Variants in MUC5B observed in about 807,000 individuals in gnomAD.
The protein encoded by MUC5B is mucin-5B.
MUC5B carries 116 observed loss-of-function variants against 376.9 expected under a neutral mutation model. That is an observed-to-expected ratio of 0.31 (90% CI 0.26 to 0.36). The LOEUF (loss-of-function observed/expected upper bound fraction) is 0.36. Ranked by LOEUF, MUC5B falls within the 10% of genes least tolerant of loss-of-function variation. MUC5B has a pLI of 1.00. For missense variants in MUC5B, 7,165 were observed against 7,769.9 expected (o/e 0.92, Z 2.93); for synonymous variants, 3,517 against 3,390.9 (o/e 1.04, Z -1.29).
chr11:1,239,499 G>A lies in MUC5B; in HGVS notation c.3516G>A (p.Gly1172=), dbSNP rs1191120767. 2 of 1,605,972 alleles carry A rather than the reference G, an allele frequency of 1.2e-6. No individual in the cohort carries two copies. The highest frequency in any genetic ancestry group is 1.7e-6 in the Non-Finnish European group (2 of 1,174,688). The stretch of plus-strand genomic sequence containing the variant: ...GTGAGTGGCACTACCAGCCCTGCGG[G>A]GCACCCTGCCTAAAAACCTGCCGGA... The part of the protein sequence containing the change: ...GGCEWHYQPC[G]APCLKTCRNP... Residue 1172 remains glycine (G), a synonymous_variant, in exon 27 of 49, where the codon GGG becomes GGA. Transcript: ENST00000529681.
At chr11:1,236,289 G>A (rs1862154782) in intron 23 of MUC5B, 97 bp from the exon 24 acceptor site, 2 of 1,246,350 alleles carry the variant, frequency 1.6e-6, no homozygotes, top group Non-Finnish European at 2.2e-6. Flanking sequence ...AAGAGCCCGT[G>A]CGCACCTGCA....
intron 30 of MUC5B, 87 bp from the exon 31 acceptor site, chr11:1,240,764 G>A (rs1263046790): frequency 2.3e-6 from 3 of 1,277,644 alleles, no homozygotes; most frequent in African/African-American, 3.0e-5. Context: ...GCCAGCCCTG[G>A]GGAAAGGGTC....
chr11:1,246,521 C>A lies in MUC5B; in HGVS notation c.9641C>A (p.Ser3214Tyr). 6.2e-7 allele frequency: 1 copy of A among 1,613,410 alleles called. No individual in the cohort carries two copies. The highest frequency in any genetic ancestry group is 1.3e-5 in the African/African-American group (1 of 74,866). Residue 3214 changes from serine (S) to tyrosine (Y), a missense_variant, in exon 31 of 49, where the codon TCC (serine) becomes TAC (tyrosine). Ser to Tyr is a moderately radical substitution (Grantham distance 144). Around this residue, in one of 31 missense-constraint regions of MUC5B, gnomAD observed 939 missense variants for 770.6 expected, o/e 1.22. Transcript: ENST00000529681. ...ATCAGCTCCAGAGCCACTCCCTCCT[C>A]CAGTCCAGGGACTGCAACCGCCCTT... is the stretch of plus-strand genomic sequence containing the variant. ...TVISSRATPS[S>Y]SPGTATALPA... is the part of the protein sequence containing the mutation.
At position 1,246,657 on chromosome 11, in the gene MUC5B, G is replaced by A. The variant is rs768193964; in HGVS notation, c.9777G>A (p.Thr3259=). 1.1e-5 allele frequency: 17 copies of A among 1,610,444 alleles called. No individual in the cohort carries two copies. The Admixed American group carries it at 1.3e-4, about 13-fold the overall frequency. ...GCCTATCACAGACCACCACACCCAC[G>A]GCCACCATGTCCACAGCCACACCCT... ...WTRLSQTTTP[T]ATMSTATPSS... Residue 3259 remains threonine, a synonymous_variant, in exon 31 of 49, where the codon ACG becomes ACA. Transcript: ENST00000529681.
chr11:1,261,363 A>T, intron 48 of MUC5B, 26 bp from the exon 49 acceptor site: 1 of 1,530,480 alleles, frequency 6.5e-7, no homozygotes, highest in Non-Finnish European at 8.8e-7. Flanking sequence ...AAGGTGGCTG[A>T]TGTGAGGGCC....
rs1414706529 is a variant in MUC5B, at chr11:1,250,847, C to G, written c.13967C>G (p.Thr4656Ser). The G allele has an allele frequency of 6.2e-7, 1 of 1,610,314 alleles. No individual in the cohort carries two copies. Among genetic ancestry groups the G allele is most frequent in the East Asian group, 2.2e-5 (1 of 44,678 alleles). The change falls in exon 31 of 49, where the codon ACC becomes AGC. Residue 4656 changes from threonine to serine, a missense_variant. Around this residue, in one of 31 missense-constraint regions of MUC5B, gnomAD observed 730 missense variants for 592.7 expected, o/e 1.23. Coordinates refer to ENST00000529681, the MANE Select transcript of MUC5B (RefSeq NM_002458.3). ...ACCGCCAGAGTGCTGACCACCACCA[C>G]CACAACTGTGGCCACTGGTTCTATG... is the stretch of plus-strand genomic sequence containing the variant. ...THTARVLTTTTTTVATGSMAT... is the reference protein window; with the variant it reads ...THTARVLTTTSTTVATGSMAT...
rs558413460 is a variant in MUC5B at position 1,224,972 on chromosome 11, G to A, written c.71-709G>A. Among the ~76,000 whole-genome samples the A allele has an allele frequency of 1.5e-4, 23 of 152,320 alleles. 2 individuals carry two copies. In the South Asian group the frequency reaches 4.6e-3, roughly 30 times the overall value. On this transcript the variant is annotated intron_variant, in intron 1 of 48. Coordinates refer to ENST00000529681, the MANE Select transcript of MUC5B (RefSeq NM_002458.3). ...AACCCAAACTGGGCAGACAATGGCC[G>A]GGGGTCCTCAGAGTCCTGTGGGTTG...
chr11:1,230,980 C>T lies in MUC5B; in HGVS notation c.1515C>T (p.Ile505=). The T allele has an allele frequency of 6.3e-7, 1 of 1,598,898 alleles. No homozygotes were observed. Among genetic ancestry groups the T allele is most frequent in the Non-Finnish European group, 8.5e-7 (1 of 1,174,038 alleles). ...ACGGCGGCGTGTTCCTCAACTCCATCTACACGCAGCTGCCCCTGTCGGCAG... is the reference window on the plus strand; with the variant it reads ...ACGGCGGCGTGTTCCTCAACTCCATTTACACGCAGCTGCCCCTGTCGGCAG... ...QADGGVFLNS[I]YTQLPLSAAN... Residue 505 remains isoleucine (I), a synonymous_variant, in exon 13 of 49, where the codon ATC becomes ATT. Transcript: ENST00000529681.
Position 1,240,960 on chromosome 11 carries a change from G to A in MUC5B, c.4080G>A (p.Thr1360=), listed in dbSNP as rs753562616. ...EPGLGGGDFE[T]FENLRQRGYQ... is the part of the protein sequence containing the mutation. ...GCCTGGGAGGCGGAGACTTTGAGAC[G>A]TTTGAAAACCTGAGGCAGAGAGGGT... Residue 1360 remains threonine, a synonymous_variant, in exon 31 of 49, where the codon ACG becomes ACA. Coordinates refer to ENST00000529681, the MANE Select transcript of MUC5B (RefSeq NM_002458.3). 9 of 1,613,332 alleles carry A rather than the reference G, an allele frequency of 5.6e-6. No homozygotes were observed. Among genetic ancestry groups the A allele is most frequent in the East Asian group, 4.5e-5 (2 of 44,898 alleles).
intron 18 of MUC5B, 24 bp downstream of exon 18, chr11:1,233,292 GC>G (rs1259170613): frequency 6.6e-7 from 1 of 1,507,314 alleles, no homozygotes; most frequent in East Asian, 2.4e-5. Flanking sequence ...GGGAAAGCAG[GC>G]CCCCCAGGTG....
intron 3 of MUC5B, 81 bp downstream of exon 3, chr11:1,226,357 C>T (rs1210015827): frequency 6.7e-7 from 1 of 1,495,580 alleles, no homozygotes. Flanking sequence ...AGGGGTGCAG[C>T]TGCCACCAGG....
At position 1,243,862 on chromosome 11, in the gene MUC5B, T is replaced by C. The variant is rs1316969540; in HGVS notation, c.6982T>C (p.Tyr2328His). 1 of 1,611,174 alleles carries C rather than the reference T, an allele frequency of 6.2e-7. No individual in the cohort carries two copies. Among genetic ancestry groups the C allele is most frequent in the South Asian group, 1.1e-5 (1 of 90,940 alleles). Residue 2328 changes from tyrosine (Y) to histidine (H), a missense_variant, in exon 31 of 49, where the codon TAC (tyrosine) becomes CAC (histidine). Tyr to His is a moderately conservative substitution (Grantham distance 83). This residue lies in a region of MUC5B where 25 missense variants were observed against 103.9 expected (regional missense o/e 0.24). Coordinates refer to ENST00000529681, the MANE Select transcript of MUC5B (RefSeq NM_002458.3). Reference protein sequence around the residue: ...CAWSEWLDYSYPMPGPSGGDF... With the variant: ...CAWSEWLDYSHPMPGPSGGDF... ...CTGGTCAGAGTGGCTGGACTACAGC[T>C]ACCCCATGCCGGGGCCCTCTGGCGG...
At chr11:1,227,899 G>A (rs1861925622) in intron 7 of MUC5B, 118 bp downstream of exon 7, 1 of 613,634 alleles carries the variant, frequency 1.6e-6, no homozygotes, top group African/African-American at 1.8e-5. Flanking sequence ...TTGGAGGGAG[G>A]CCGGGCAGCC....
At position 1,234,366 on chromosome 11, in the gene MUC5B, G is replaced by A. The variant is rs1259361638; in HGVS notation, c.2478+61G>A. 1.1e-5 allele frequency: 17 copies of A among 1,521,870 alleles called. No homozygotes were observed. In the East Asian group the frequency reaches 1.7e-4, roughly 15 times the overall value. 94.3% of individuals were successfully genotyped at this position (1,521,870 alleles called of 1,614,324 possible). ...AGGGGTCCCAGCTTTCCCAGCTCCC[G>A]AGCCCAGGGATCTGGTGGTCCTGGA... On this transcript the variant is annotated intron_variant, in intron 20 of 48. Transcript: ENST00000529681. The surrounding 1 kb of genome is among the most constrained non-coding windows in gnomAD (Gnocchi z 6.3).
chr11:1,240,220 A>G lies in MUC5B; in HGVS notation c.3815A>G (p.Asp1272Gly), dbSNP rs1862247613. 1.9e-6 allele frequency: 3 copies of G among 1,612,768 alleles called. No individual in the cohort carries two copies. The highest frequency in any genetic ancestry group is 2.2e-5 in the South Asian group (2 of 91,026). Residue 1272 changes from aspartate to glycine, a missense_variant, in exon 30 of 49, where the codon GAC (aspartate) becomes GGC (glycine). Asp to Gly is a moderately conservative substitution (Grantham distance 94). Around this residue, in one of 31 missense-constraint regions of MUC5B, gnomAD observed 517 missense variants for 545.3 expected, o/e 0.95. Transcript: ENST00000529681. ...GAGGACAGGACCTACAGCTACCAGG[A>G]CGTCATCTACAACACCACCGATGGG... ...TYEDRTYSYQ[D>G]VIYNTTDGLG...
At position 1,240,982 on chromosome 11, in the gene MUC5B, G is replaced by A; in HGVS notation, c.4102G>A (p.Gly1368Arg). 6.2e-7 allele frequency: 1 copy of A among 1,613,458 alleles called. No homozygotes were observed. Among genetic ancestry groups the A allele is most frequent in the Non-Finnish European group, 8.5e-7 (1 of 1,179,836 alleles). Reference sequence around the variant, plus strand: ...GACGTTTGAAAACCTGAGGCAGAGAGGGTACCAGGTATGCCCTGTGCTGGC... The same window carrying A: ...GACGTTTGAAAACCTGAGGCAGAGAAGGTACCAGGTATGCCCTGTGCTGGC... ...FETFENLRQRGYQVCPVLADI... is the reference protein window; with the variant it reads ...FETFENLRQRRYQVCPVLADI... The change falls in exon 31 of 49, where the codon GGG (glycine) becomes AGG (arginine). Residue 1368 changes from glycine (G) to arginine (R), a missense_variant. Around this residue, in one of 31 missense-constraint regions of MUC5B, gnomAD observed 517 missense variants for 545.3 expected, o/e 0.95. Transcript: ENST00000529681.
intron 46 of MUC5B, 112 bp downstream of exon 46, chr11:1,260,197 CCCACCCCTG>C (rs1246158514): frequency 2.8e-6 from 4 of 1,436,102 alleles, no homozygotes; most frequent in Non-Finnish European, 3.8e-6. Context: ...CTGGGGAGGC[CCCACCCCTG>C]CCTGGGAAGC....
rs1277292780 is a variant in MUC5B, at chr11:1,257,754, G to A, written c.16450+44G>A. 1.3e-6 allele frequency: 2 copies of A among 1,504,316 alleles called. No homozygotes were observed. Among genetic ancestry groups the A allele is most frequent in the Non-Finnish European group, 1.8e-6 (2 of 1,127,788 alleles). 93.2% of individuals were successfully genotyped at this position (1,504,316 alleles called of 1,614,324 possible). A position where few individuals can be genotyped will look rare whatever the true frequency, so the allele number is the denominator to read the frequency against. On this transcript the variant is annotated intron_variant, in intron 41 of 48. Transcript: ENST00000529681. The surrounding 1 kb of genome is among the most constrained non-coding windows in gnomAD (Gnocchi z 8.9). ...GAGGTGCCCGGCATAGGGTGAGGGG[G>A]GACAGAGCCGGTGCCCACCAGGGGC...
At position 1,235,407 on chromosome 11, in the gene MUC5B, C is replaced by T. The variant is rs557407716; in HGVS notation, c.2874C>T (p.Phe958=). ...GTTCSKAIKL[F]VESYELILQE... ...CCTGCTCCAAGGCCATCAAGCTCTT[C>T]GTGGAGGTGAGAACGGCCCCAGCTG... is the stretch of plus-strand genomic sequence containing the variant. Residue 958 remains phenylalanine (F), a synonymous_variant, in exon 23 of 49, where the codon TTC becomes TTT. Transcript: ENST00000529681. 2.4e-5 allele frequency: 38 copies of T among 1,611,694 alleles called. No individual in the cohort carries two copies. In the Middle Eastern group the frequency reaches 5.0e-4, roughly 21 times the overall value.
Sources: allele counts gnomAD v4.1 joint callset (sites outside exome capture counted in the v4.1 genomes callset), GRCh38; gene constraint gnomAD v4.1.1; regional missense constraint gnomAD v4.1.1; non-coding constraint Gnocchi (gnomAD v3.1); transcripts MANE v1.5; gene names NCBI Gene and HGNC (gene_info 2026-07-23, HGNC 2026-07-21).